ANGPT1: variants seen among roughly 807,000 people sequenced by gnomAD.
The protein encoded by ANGPT1 is angiopoietin-1.
Under a neutral mutation model 62.2 loss-of-function variants are expected in ANGPT1, and 17 were observed. The observed-to-expected ratio is 0.27, with a 90% CI of 0.19 to 0.41. The LOEUF (loss-of-function observed/expected upper bound fraction) is 0.41, where lower values mean the gene tolerates loss of function less well. Ranked by LOEUF, ANGPT1 falls within the 10% of genes least tolerant of loss-of-function variation. The pLI is 1.00. For synonymous variants in ANGPT1, 199 were observed against 198.9 expected, an observed-to-expected ratio of 1.00 and a Z score of 0.00; for missense variants, 478 against 594.9, an observed-to-expected ratio of 0.80 and a Z score of 2.04.
intron 7 of ANGPT1, among the ~76,000 whole-genome samples, chr8:107,279,111 T>C (rs1008957777): frequency 6.6e-6 from 1 of 152,224 alleles, no homozygotes; most frequent in African/African-American, 2.4e-5. Context: ...TCTGCTATTA[T>C]TAAAATATTT....
intron 1 of ANGPT1, among the ~76,000 whole-genome samples, chr8:107,398,653 G>A (rs1030416786): frequency 2.0e-5 from 3 of 151,742 alleles, no homozygotes; most frequent in African/African-American, 7.3e-5. Context: ...TGGACAGAGT[G>A]GTACCTAGCT....
At chr8:107,387,992 A>G (rs865917293) in intron 1 of ANGPT1, among the ~76,000 whole-genome samples, 5 of 152,106 alleles carry the variant, frequency 3.3e-5, no homozygotes, top group African/African-American at 1.2e-4. Context: ...ATTTAAGAGT[A>G]TGAATAAGTT....
chr8:107,378,911 A>AATATATATAT (rs139171299), intron 1 of ANGPT1, among the ~76,000 whole-genome samples: 2 of 143,608 alleles, frequency 1.4e-5, no homozygotes, highest in African/African-American at 5.0e-5. Flanking sequence ...AAAATGAACA[A>AATATATATAT]ATATATATAT....
intron 1 of ANGPT1, among the ~76,000 whole-genome samples, chr8:107,378,688 C>T (rs187287324): frequency 1.4e-3 from 212 of 152,068 alleles, no homozygotes; most frequent in African/African-American, 2.1e-3. Flanking sequence ...TGAGTTCTTG[C>T]GAGATCTGAT....
intron 7 of ANGPT1, among the ~76,000 whole-genome samples, chr8:107,268,178 C>T (rs2130056188): frequency 6.6e-6 from 1 of 152,204 alleles, no homozygotes; most frequent in African/African-American, 2.4e-5. Context: ...CCTCAATGTT[C>T]ATTGACTAGA....
intron 6 of ANGPT1, among the ~76,000 whole-genome samples, chr8:107,286,690 GTA>G (rs1814149785): frequency 1.3e-5 from 2 of 152,058 alleles, no homozygotes; most frequent in South Asian, 4.1e-4. Flanking sequence ...ATTGCATTGA[GTA>G]TATACTCTTC....
chr8:107,435,250 AG>A (rs1349769418), intron 1 of ANGPT1, among the ~76,000 whole-genome samples: 1 of 152,190 alleles, frequency 6.6e-6, no homozygotes, highest in Non-Finnish European at 1.5e-5. Flanking sequence ...ATTTTATGGT[AG>A]GTAAATCATA....
intron 1 of ANGPT1, among the ~76,000 whole-genome samples, chr8:107,484,245 A>G (rs987766441): frequency 3.3e-5 from 5 of 152,220 alleles, no homozygotes; most frequent in African/African-American, 1.2e-4. Flanking sequence ...CAAAGTAAAT[A>G]TGTAAACTCT....
chr8:107,353,052 T>G (rs1427075412), intron 1 of ANGPT1, among the ~76,000 whole-genome samples: 1 of 152,192 alleles, frequency 6.6e-6, no homozygotes, highest in African/African-American at 2.4e-5. Flanking sequence ...TTTTATGAAA[T>G]GGAGAAATAT....
Position 107,298,598 on chromosome 8 carries a change from C to T in ANGPT1, c.937-4561G>A, listed in dbSNP as rs180940304. 1.8e-3 allele frequency among the ~76,000 whole-genome samples: 281 copies of T among 151,978 alleles called. 2 individuals are homozygous for T. Among genetic ancestry groups the T allele is most frequent in the Non-Finnish European group, 1.5e-3 (100 of 67,882 alleles). On this transcript the variant is annotated intron_variant, in intron 5 of 8. Transcript: ENST00000517746. ...CCTAGAAAACCGTCTTTGGCTTCCA[C>T]ATTTGAAAAGATAACATTTCTCTAA...
chr8:107,250,096 T>C lies in ANGPT1; in HGVS notation c.*1759A>G, dbSNP rs1013569283. On this transcript the variant is annotated 3_prime_UTR_variant, in exon 9 of 9. Transcript: ENST00000517746. ...ATGTGAATAGCTTTATTTTCTCAAA[T>C]GGAGGAAACCATTAAGGCATAGTGG... The C allele has an allele frequency of 1.3e-5, 2 of 152,498 alleles. No individual in the cohort carries two copies. Among genetic ancestry groups the C allele is most frequent in the Non-Finnish European group, 2.9e-5 (2 of 68,022 alleles). The allele number at this position is 152,498 out of a possible 1,614,324, so 9.4% of individuals were successfully genotyped here. A position where few individuals can be genotyped will look rare whatever the true frequency, so the allele number is the denominator to read the frequency against.
At chr8:107,486,013 A>C (rs1004389728) in intron 1 of ANGPT1, among the ~76,000 whole-genome samples, 2 of 152,200 alleles carry the variant, frequency 1.3e-5, no homozygotes, top group Non-Finnish European at 2.9e-5. Context: ...GGGCTGAGAG[A>C]ATCAGCTATT....
At chr8:107,457,501 T>C (rs1811949466) in intron 1 of ANGPT1, among the ~76,000 whole-genome samples, 1 of 151,958 alleles carries the variant, frequency 6.6e-6, no homozygotes, top group South Asian at 2.1e-4. Context: ...TTGTGGTCGC[T>C]GAGGTGAAAA....
chr8:107,460,119 C>T (rs182726463), intron 1 of ANGPT1, among the ~76,000 whole-genome samples: 4 of 152,270 alleles, frequency 2.6e-5, no homozygotes, highest in Admixed American at 1.3e-4. Flanking sequence ...TTTCACAGTA[C>T]GAATCTGGTG....
intron 1 of ANGPT1, among the ~76,000 whole-genome samples, chr8:107,389,194 A>G (rs867447409): frequency 2.0e-5 from 3 of 152,186 alleles, no homozygotes; most frequent in Non-Finnish European, 4.4e-5. Context: ...GCTACTACCT[A>G]GCACTGTTAA....
chr8:107,391,853 TTG>T (rs1341163304), intron 1 of ANGPT1, among the ~76,000 whole-genome samples: 1 of 152,196 alleles, frequency 6.6e-6, no homozygotes, highest in East Asian at 1.9e-4. Flanking sequence ...TGGTGTGAAT[TTG>T]TGTATCTAAA....
intron 1 of ANGPT1, among the ~76,000 whole-genome samples, chr8:107,390,907 C>A (rs935328630): frequency 6.6e-6 from 1 of 152,050 alleles, no homozygotes; most frequent in African/African-American, 2.4e-5. Flanking sequence ...GCTGCCTCTG[C>A]TACTTATCCC....
chr8:107,349,624 TTA>T (rs906767516), intron 1 of ANGPT1, among the ~76,000 whole-genome samples: 10 of 152,138 alleles, frequency 6.6e-5, no homozygotes, highest in Non-Finnish European at 1.2e-4. Context: ...AACTTCACAA[TTA>T]TATATGTTAT....
chr8:107,303,107 T>C, intron 5 of ANGPT1, 133 bp downstream of exon 5: 2 of 980,858 alleles, frequency 2.0e-6, no homozygotes, highest in East Asian at 2.6e-5. Flanking sequence ...GGAAACAGAG[T>C]ATCTCTGGGA....
Sources: gnomAD v4.1 joint callset for allele counts (sites outside exome capture counted in the v4.1 genomes callset) on GRCh38, gnomAD v4.1.1 for gene constraint, MANE v1.5 for transcripts, NCBI Gene and HGNC (gene_info 2026-07-23, HGNC 2026-07-21) for gene names.